RAD50: variants seen among roughly 807,000 people sequenced by gnomAD.
RAD50 encodes DNA repair protein RAD50.
In RAD50, 132 loss-of-function variants were observed where a neutral mutation model predicts 168.8. That is an observed-to-expected ratio of 0.78 (90% confidence interval 0.68 to 0.90). The LOEUF is 0.90. Among genes scored for constraint, RAD50 ranks in the 40% least tolerant of loss-of-function variants. The pLI, the probability that RAD50 is intolerant of heterozygous loss-of-function variation, is 0.00. For synonymous variants in RAD50, 525 were observed against 497.4 expected, an observed-to-expected ratio of 1.06 and a Z score of -0.74; for missense variants, 1,347 against 1,534.4, an observed-to-expected ratio of 0.88 and a Z score of 2.04.
chr5:132,609,434 G>A, intron 19 of RAD50, 38 bp downstream of exon 19: 1 of 1,609,012 alleles, frequency 6.2e-7, no homozygotes, highest in Non-Finnish European at 8.5e-7. Context: ...TTACACCTAT[G>A]ACATTCTTTT....
intron 1 of RAD50, 111 bp downstream of exon 1, chr5:132,557,564 G>C: frequency 6.7e-7 from 1 of 1,494,086 alleles, no homozygotes; most frequent in Non-Finnish European, 9.3e-7. Context: ...GGCTCCACAG[G>C]TGTAGGCCCT....
chr5:132,616,090 T>A lies in RAD50; in HGVS notation c.3124T>A (p.Leu1042Met). Reference sequence around the variant, plus strand: ...AGTTGAAGAAGAAAGAAAACAACATTTGAAGGAAATGGGTCAAATGCAGGT... The same window carrying A: ...AGTTGAAGAAGAAAGAAAACAACATATGAAGGAAATGGGTCAAATGCAGGT... ...KEVEEERKQH[L>M]KEMGQMQVLQ... is the part of the protein sequence containing the mutation. The change falls in exon 20 of 25, where the codon TTG becomes ATG. Residue 1042 changes from leucine to methionine, a missense_variant. Around this residue, in one of 3 missense-constraint regions of RAD50, gnomAD observed 635 missense variants for 739.2 expected, o/e 0.86. Transcript: ENST00000378823. The A allele has an allele frequency of 6.2e-7, 1 of 1,613,136 alleles. No individual in the cohort carries two copies.
rs1257890389 is a variant in RAD50 at position 132,595,781 on chromosome 5, T to C, written c.2178T>C (p.Arg726=). ...ESELKKKEKR[R]DEMLGLVPMR... is the part of the protein sequence containing the mutation. ...AGCTAAAAAAAAAGGAAAAGCGGCGTGATGAAATGCTGGGACTTGTGCCCA... is the reference window on the plus strand; with the variant it reads ...AGCTAAAAAAAAAGGAAAAGCGGCGCGATGAAATGCTGGGACTTGTGCCCA... The change falls in exon 13 of 25, where the codon CGT becomes CGC. Residue 726 remains arginine, a synonymous_variant. Coordinates refer to ENST00000378823, the MANE Select transcript of RAD50 (RefSeq NM_005732.4). The C allele has an allele frequency of 3.1e-6, 5 of 1,611,506 alleles. No individual in the cohort carries two copies. The highest frequency in any genetic ancestry group is 2.2e-5 in the East Asian group (1 of 44,874).
rs587781608 is a variant in RAD50, at chr5:132,559,336, C to G, written c.182C>G (p.Thr61Ser). Residue 61 changes from threonine (T) to serine (S), a missense_variant, in exon 2 of 25, where the codon ACC becomes AGC. Transcript: ENST00000378823. ...YICTGDFPPG[T>S]KGNTFVHDPK... ...TGTACTGGAGATTTCCCTCCTGGAA[C>G]CAAAGGAAATACATTTGTACACGAT... The G allele has an allele frequency of 1.9e-6, 3 of 1,607,980 alleles. No individual in the cohort carries two copies. The highest frequency in any genetic ancestry group is 2.5e-6 in the Non-Finnish European group (3 of 1,176,942).
At chr5:132,578,133 C>T (rs779451580) in intron 3 of RAD50, among the ~76,000 whole-genome samples, 5 of 152,170 alleles carry the variant, frequency 3.3e-5, no homozygotes, top group Non-Finnish European at 5.9e-5. Flanking sequence ...TTTTTTTTAC[C>T]AGTTGTTTCA....
At chr5:132,599,932 C>T (rs1212526143) in intron 13 of RAD50, 2 of 152,086 alleles carry the variant, frequency 1.3e-5, no homozygotes, top group Non-Finnish European at 2.9e-5. Flanking sequence ...TCAAATATCC[C>T]GTGGGGTCAC....
intron 1 of RAD50, among the ~76,000 whole-genome samples, chr5:132,559,030 A>G (rs1252009916): frequency 1.3e-5 from 2 of 152,220 alleles, no homozygotes; most frequent in African/African-American, 2.4e-5. Context: ...ATTAGTTTAA[A>G]GGGTTTCAGT....
intron 21 of RAD50, among the ~76,000 whole-genome samples, chr5:132,624,350 C>A (rs1397235535): frequency 6.6e-6 from 1 of 152,164 alleles, no homozygotes; most frequent in African/African-American, 2.4e-5. Flanking sequence ...GCCCAGTAGA[C>A]TACACATACA....
intron 13 of RAD50, among the ~76,000 whole-genome samples, 192 bp from the exon 14 acceptor site, chr5:132,603,108 T>C (rs933151434): frequency 8.5e-5 from 13 of 152,124 alleles, no homozygotes; most frequent in African/African-American, 2.2e-4. Flanking sequence ...GCCAACACCA[T>C]CTAAGCCAAG....
chr5:132,557,944 T>C (rs1750037375), intron 1 of RAD50, among the ~76,000 whole-genome samples: 1 of 151,726 alleles, frequency 6.6e-6, no homozygotes, highest in Admixed American at 6.6e-5. Context: ...GTAGTGGGGC[T>C]TAACTTGGAA....
intron 2 of RAD50, among the ~76,000 whole-genome samples, chr5:132,572,874 T>C (rs932579848): frequency 3.2e-4 from 48 of 152,214 alleles, no homozygotes; most frequent in African/African-American, 1.1e-3. Flanking sequence ...AGTCAAGTGA[T>C]TGACACCCCA....
intron 21 of RAD50, among the ~76,000 whole-genome samples, chr5:132,636,796 TTA>T (rs770460364): frequency 1.3e-5 from 2 of 152,132 alleles, no homozygotes; most frequent in Admixed American, 6.6e-5. Flanking sequence ...GTCTAAAAAA[TTA>T]TGTTTCCTGA....
intron 11 of RAD50, among the ~76,000 whole-genome samples, chr5:132,594,412 A>T (rs2149843517): frequency 6.6e-6 from 1 of 152,276 alleles, no homozygotes; most frequent in East Asian, 1.9e-4. Context: ...AATGAGAGGG[A>T]ATGACTGATC....
chr5:132,590,388 T>A (rs1245611029), intron 9 of RAD50, among the ~76,000 whole-genome samples: 2 of 152,170 alleles, frequency 1.3e-5, no homozygotes, highest in Non-Finnish European at 2.9e-5. Context: ...GAGAATCGCT[T>A]GAACCTGGGA....
intron 1 of RAD50, among the ~76,000 whole-genome samples, chr5:132,558,097 A>G (rs1234814862): frequency 6.6e-6 from 1 of 152,192 alleles, no homozygotes; most frequent in Non-Finnish European, 1.5e-5. Context: ...GTGGCTTAAG[A>G]AAAAGCAAGA....
chr5:132,595,002 GA>G lies in RAD50; in HGVS notation c.1928del (p.Asp643AlafsTer31). Reference sequence around the variant, plus strand: ...TAGCCAGGATTTTGAAAGTGATTTAGACAGGCTTAAAGAGGAAATTGAAAAA... The same window carrying G: ...TAGCCAGGATTTTGAAAGTGATTTAGCAGGCTTAAAGAGGAAATTGAAAAA... ...CGSQDFESDLDRLKEEIEKSS... is the reference protein window; with the variant it reads ...CGSQDFESDLXRLKEEIEKSS... On this transcript the variant is annotated frameshift_variant, in exon 12 of 25. Transcript: ENST00000378823. LOFTEE classifies it high-confidence loss of function. 1 of 1,613,842 alleles carries G rather than the reference GA, an allele frequency of 6.2e-7. No individual in the cohort carries two copies. The highest frequency in any genetic ancestry group is 8.5e-7 in the Non-Finnish European group (1 of 1,179,776).
At chr5:132,572,723 G>T (rs970316370) in intron 2 of RAD50, among the ~76,000 whole-genome samples, 5 of 152,230 alleles carry the variant, frequency 3.3e-5, no homozygotes, top group Admixed American at 2.6e-4. Flanking sequence ...TCAGCTTCGG[G>T]TTTATAGCAA....
intron 21 of RAD50, among the ~76,000 whole-genome samples, chr5:132,632,667 A>C (rs1214706353): frequency 1.3e-5 from 2 of 152,244 alleles, no homozygotes; most frequent in African/African-American, 4.8e-5. Context: ...GTCTTTGCAC[A>C]CTAAAGCAGA....
At chr5:132,593,316 A>G (rs1328605717) in intron 11 of RAD50, 1 of 154,002 alleles carries the variant, frequency 6.5e-6, no homozygotes, top group Non-Finnish European at 1.4e-5. Context: ...CTATTCAGAC[A>G]TGTTATAACA....
Sources: gnomAD v4.1 joint callset for allele counts (sites outside exome capture counted in the v4.1 genomes callset) on GRCh38, gnomAD v4.1.1 for gene constraint, gnomAD v4.1.1 regional missense constraint, MANE v1.5 for transcripts, NCBI Gene and HGNC (gene_info 2026-07-23, HGNC 2026-07-21) for gene names.